Variants in BRI3BP observed in about 807,000 individuals in gnomAD.
The protein encoded by BRI3BP is BRI3 binding protein, also known as BRI3-binding protein.
In BRI3BP, 7 loss-of-function variants were observed where a neutral mutation model predicts 15.8. The ratio of observed to expected loss-of-function variants is 0.44; its 90% CI spans 0.25 to 0.83. The LOEUF (loss-of-function observed/expected upper bound fraction) is 0.83, where lower values mean the gene tolerates loss of function less well. Among genes scored for constraint, BRI3BP ranks in the 40% least tolerant of loss-of-function variants. The probability of loss-of-function intolerance (pLI) is 0.20; values close to 1 mark genes in which losing one functional copy is unlikely to be tolerated. For synonymous variants in BRI3BP, 192 were observed against 163.5 expected (o/e 1.17, Z -1.33); for missense variants, 320 against 339.3 (o/e 0.94, Z 0.45).
intron 2 of BRI3BP, among the ~76,000 whole-genome samples, chr12:125,017,809 A>G (rs921898373): frequency 1.3e-5 from 2 of 152,158 alleles, no homozygotes; most frequent in African/African-American, 4.8e-5. Context: ...ACTGGGGAAA[A>G]TAGGAATCGT....
intron 2 of BRI3BP, among the ~76,000 whole-genome samples, chr12:125,018,104 C>G (rs1955262998): frequency 6.6e-6 from 1 of 152,182 alleles, no homozygotes; most frequent in African/African-American, 2.4e-5. Flanking sequence ...CTGGGACCTG[C>G]CAATCTCACT....
At chr12:125,022,161 C>T (rs1955304766) in intron 2 of BRI3BP, among the ~76,000 whole-genome samples, 1 of 151,704 alleles carries the variant, frequency 6.6e-6, no homozygotes, top group Non-Finnish European at 1.5e-5. Flanking sequence ...GGGGTGGGGC[C>T]CAGCAACCTG....
Position 125,006,668 on chromosome 12 carries a change from C to T in BRI3BP, c.214-5866C>T, listed in dbSNP as rs545421544. 8.9e-4 allele frequency among the ~76,000 whole-genome samples: 136 copies of T among 152,306 alleles called. 1 individual carries two copies. Among genetic ancestry groups the T allele is most frequent in the Non-Finnish European group, 1.6e-3 (107 of 68,028 alleles). ...CGCTGGGCACCTGCCGTGTGCTGGG[C>T]GCCACGCCGAGGTCTTTACAGGTTC... On this transcript the variant is annotated intron_variant, in intron 1 of 2. Coordinates refer to ENST00000341446, the MANE Select transcript of BRI3BP (RefSeq NM_080626.6).
In BRI3BP at chr12:125,030,969, G is replaced by A. The variant is rs1216935724; in HGVS notation, c.*5539G>A. ...TAGTGTGTGTGTGTACATGGTGTGT[G>A]TGTGTGTGTGCACTTTAGTTTCGTG... On this transcript the variant is annotated 3_prime_UTR_variant, in exon 3 of 3. Transcript: ENST00000341446. The A allele has an allele frequency of 6.6e-6, 1 of 152,172 alleles. No homozygotes were observed. The highest frequency in any genetic ancestry group is 1.5e-5 in the Non-Finnish European group (1 of 68,030). 9.4% of individuals were successfully genotyped at this position (152,172 alleles called of 1,614,324 possible). A position where few individuals can be genotyped will look rare whatever the true frequency, so the allele number is the denominator to read the frequency against.
chr12:125,018,943 C>T (rs1189962868), intron 2 of BRI3BP, among the ~76,000 whole-genome samples: 2 of 152,110 alleles, frequency 1.3e-5, no homozygotes, highest in African/African-American at 4.8e-5. Context: ...ACTGCAACCT[C>T]CGCCTCCCGG....
chr12:125,012,145 C>A (rs1016663522), intron 1 of BRI3BP, among the ~76,000 whole-genome samples: 1 of 152,174 alleles, frequency 6.6e-6, no homozygotes, highest in African/African-American at 2.4e-5. Flanking sequence ...CATTGCACCA[C>A]TGCACTCCAG....
intron 2 of BRI3BP, among the ~76,000 whole-genome samples, 190 bp from the exon 3 acceptor site, chr12:125,024,801 A>T (rs1457388331): frequency 6.6e-6 from 1 of 151,934 alleles, no homozygotes; most frequent in African/African-American, 2.4e-5. Flanking sequence ...TCCATCTCAA[A>T]AAAAAGAGGC....
intron 1 of BRI3BP, among the ~76,000 whole-genome samples, chr12:125,005,204 A>G (rs534296334): frequency 3.9e-5 from 6 of 152,112 alleles, no homozygotes; most frequent in Admixed American, 6.6e-5. Flanking sequence ...TTTTCTCATA[A>G]TGAGACTGGG....
chr12:125,033,151 AAAAC>A (rs950070010), downstream of BRI3BP, among the ~76,000 whole-genome samples: 18 of 152,330 alleles, frequency 1.2e-4, no homozygotes, highest in Admixed American at 5.2e-4. Context: ...ACTGAGCCAC[AAAAC>A]AAACAAACAA....
intron 1 of BRI3BP, among the ~76,000 whole-genome samples, chr12:124,996,261 G>C (rs1355241435): frequency 6.6e-6 from 1 of 151,880 alleles, no homozygotes; most frequent in Non-Finnish European, 1.5e-5. Context: ...GGCCAGGCTT[G>C]GGGATATTGT....
downstream of BRI3BP, among the ~76,000 whole-genome samples, chr12:125,033,746 TTTG>T (rs1955422453): frequency 7.3e-6 from 1 of 136,144 alleles, no homozygotes; most frequent in South Asian, 2.3e-4. Flanking sequence ...CTGGTTTTTT[TTTG>T]TTTTTTTTTT....
At chr12:124,997,047 C>T (rs1955046455) in intron 1 of BRI3BP, among the ~76,000 whole-genome samples, 1 of 151,672 alleles carries the variant, frequency 6.6e-6, no homozygotes, top group East Asian at 1.9e-4. Context: ...GCTTGAGCCA[C>T]CGTGCCCGGC....
chr12:125,014,495 G>A lies in BRI3BP; in HGVS notation c.316+1859G>A, dbSNP rs144157624. ...AAAGGGAAAAGGTGCGCGAATTCCC[G>A]GGCAGGCCAGGCCCAAGCTTCAGAG... On this transcript the variant is annotated intron_variant, in intron 2 of 2. Coordinates refer to ENST00000341446, the MANE Select transcript of BRI3BP (RefSeq NM_080626.6). 6.9e-3 allele frequency among the ~76,000 whole-genome samples: 1,048 copies of A among 152,282 alleles called. 41 individuals are homozygous for A. Among genetic ancestry groups the A allele is most frequent in the Admixed American group, 0.063 (969 of 15,296 alleles).
intron 1 of BRI3BP, among the ~76,000 whole-genome samples, chr12:125,008,533 A>C (rs868508036): frequency 8.6e-5 from 13 of 151,690 alleles, no homozygotes; most frequent in Middle Eastern, 3.4e-3. Flanking sequence ...AGGATGGTCT[A>C]GATCTCCTGA....
intron 1 of BRI3BP, among the ~76,000 whole-genome samples, chr12:125,008,414 A>G (rs1439150980): frequency 2.1e-5 from 3 of 146,096 alleles, no homozygotes; most frequent in Non-Finnish European, 3.0e-5. Flanking sequence ...CCGGGTTCAC[A>G]CCATTCTCCT....
At chr12:125,020,962 T>C (rs1255662539) in intron 2 of BRI3BP, among the ~76,000 whole-genome samples, 2 of 152,124 alleles carry the variant, frequency 1.3e-5, no homozygotes, top group African/African-American at 4.8e-5. Context: ...CTATGGAAAA[T>C]ATATCAGTTA....
At chr12:124,994,582 T>A (rs1303388335) in intron 1 of BRI3BP, among the ~76,000 whole-genome samples, 1 of 152,148 alleles carries the variant, frequency 6.6e-6, no homozygotes, top group African/African-American at 2.4e-5. Flanking sequence ...GCCTTTCGCG[T>A]GGAGCCTTTT....
chr12:125,044,058 C>T, the BRI3BP span, among the ~76,000 whole-genome samples: 1 of 151,332 alleles, frequency 6.6e-6, no homozygotes, highest in Non-Finnish European at 1.5e-5. Flanking sequence ...ATTATTTTCT[C>T]ACAACAGGCA....
downstream of BRI3BP, among the ~76,000 whole-genome samples, chr12:125,034,348 T>C (rs1955427807): frequency 6.6e-6 from 1 of 152,056 alleles, no homozygotes; most frequent in Non-Finnish European, 1.5e-5. Context: ...ACCCAGCCCC[T>C]TTTTTTAAAA....
Sources: gnomAD v4.1 joint callset for allele counts (sites outside exome capture counted in the v4.1 genomes callset) on GRCh38, gnomAD v4.1.1 for gene constraint, MANE v1.5 for transcripts, NCBI Gene and HGNC (gene_info 2026-07-23, HGNC 2026-07-21) for gene names.